The following IKBKB variants were observed in gnomAD, a reference collection of about 807,000 sequenced individuals.
The protein encoded by IKBKB is inhibitor of nuclear factor kappa-B kinase subunit beta.
A neutral mutation model predicts 113.6 loss-of-function variants in IKBKB; 42 were observed. The observed-to-expected ratio is 0.37, with a 90% CI of 0.29 to 0.48. IKBKB has a LOEUF of 0.48. IKBKB is among the 20% of genes least tolerant of loss of function. The pLI is 0.99. For missense variants in IKBKB, 673 were observed against 939.7 expected, an observed-to-expected ratio of 0.72 and a Z score of 3.71; for synonymous variants, 296 against 361.3, an observed-to-expected ratio of 0.82 and a Z score of 2.05.
intron 19 of IKBKB, among the ~76,000 whole-genome samples, chr8:42,324,057 G>A (rs1820266466): frequency 6.6e-6 from 1 of 152,190 alleles, no homozygotes; most frequent in South Asian, 2.1e-4. Flanking sequence ...GCTTGTCTTA[G>A]AGGAGAGGGA....
In IKBKB at chr8:42,321,927, C is replaced by CT; in HGVS notation, c.1721dup (p.Arg575LysfsTer10). 6.2e-7 allele frequency: 1 copy of CT among 1,613,356 alleles called. No homozygotes were observed. The highest frequency in any genetic ancestry group is 8.5e-7 in the Non-Finnish European group (1 of 1,179,578). ...GCAAGCAAGGGAGCTGTACAGGAGACTAAGGGAAAAACCTCGAGGTAAGTG... is the reference window on the plus strand; with the variant it reads ...GCAAGCAAGGGAGCTGTACAGGAGACTTAAGGGAAAAACCTCGAGGTAAGTG... On this transcript the variant is annotated frameshift_variant, in exon 17 of 22. Transcript: ENST00000520810. LOFTEE classifies it high-confidence loss of function.
At chr8:42,324,851 G>C (rs984724997) in intron 19 of IKBKB, 2 of 153,006 alleles carry the variant, frequency 1.3e-5, no homozygotes, top group African/African-American at 2.4e-5. Flanking sequence ...CCATACTTTC[G>C]GTCCAGGGCA....
At chr8:42,323,399 C>T (rs1275544337) in intron 19 of IKBKB, among the ~76,000 whole-genome samples, 1 of 152,208 alleles carries the variant, frequency 6.6e-6, no homozygotes, top group Non-Finnish European at 1.5e-5. Flanking sequence ...CCATGGGATG[C>T]CACATGGTGG....
chr8:42,323,758 G>C lies in IKBKB; in HGVS notation c.1986+1264G>C, dbSNP rs575042756. Among the ~76,000 whole-genome samples the C allele has an allele frequency of 2.0e-3, 300 of 152,332 alleles. 3 individuals are homozygous for C. In the Middle Eastern group the frequency reaches 0.024, roughly 12 times the overall value. ...CATCCTCCTGTAAGAAGAGAGGAAC[G>C]GGAGAAAACAGGATGACGAGGTAGA... On this transcript the variant is annotated intron_variant, in intron 19 of 21. Transcript: ENST00000520810.
intron 21 of IKBKB, chr8:42,329,615 A>G: frequency 3.0e-6 from 3 of 984,154 alleles, no homozygotes; most frequent in Non-Finnish European, 3.6e-6. Context: ...TCCTTGGAAC[A>G]CTTAATTCCG....
chr8:42,306,642 C>A (rs77601230), intron 7 of IKBKB, among the ~76,000 whole-genome samples: 1 of 152,210 alleles, frequency 6.6e-6, no homozygotes, highest in Non-Finnish European at 1.5e-5. Flanking sequence ...CTCTGATGTC[C>A]GGAGGGCTCT....
At chr8:42,305,302 G>A (rs1409322261) in intron 6 of IKBKB, 27 bp downstream of exon 6, 10 of 1,489,682 alleles carry the variant, frequency 6.7e-6, no homozygotes, top group Admixed American at 1.7e-5. Context: ...GACTGGGAAA[G>A]CCTCAGGTGG....
In IKBKB at chr8:42,271,378, CA is replaced by C. The variant is rs1272120506; in HGVS notation, c.-109del. On this transcript the variant is annotated 5_prime_UTR_variant, in exon 1 of 22. It removes the in-frame stop codon of an upstream open reading frame in the 5' UTR. Transcript: ENST00000520810. ...TAAGATTCCCGCATTTTAATGTTTTCAGGGGGGTGTCATAGCCCCGGGTTTG... is the reference window on the plus strand; with the variant it reads ...TAAGATTCCCGCATTTTAATGTTTTCGGGGGGTGTCATAGCCCCGGGTTTG... 2.5e-5 allele frequency: 37 copies of C among 1,507,566 alleles called. No homozygotes were observed. The Admixed American group carries it at 6.3e-4, about 26-fold the overall frequency. The allele number at this position is 1,507,566 out of a possible 1,614,324, so 93.4% of individuals were successfully genotyped here. A position where few individuals can be genotyped will look rare whatever the true frequency, so the allele number is the denominator to read the frequency against.
chr8:42,313,451 T>A (rs534206687), intron 8 of IKBKB, among the ~76,000 whole-genome samples: 4 of 152,284 alleles, frequency 2.6e-5, no homozygotes, highest in African/African-American at 7.2e-5. Context: ...AAAATTTTTT[T>A]ACCTTCAGAT....
chr8:42,298,212 C>T, intron 5 of IKBKB: 1 of 985,452 alleles, frequency 1.0e-6, no homozygotes, highest in Non-Finnish European at 1.2e-6. Context: ...GGTGCTCTCT[C>T]CTGCCTGATG....
In IKBKB at chr8:42,271,442, G is replaced by T; in HGVS notation, c.-46G>T. On this transcript the variant is annotated 5_prime_UTR_variant, in exon 1 of 22. Coordinates refer to ENST00000520810, the MANE Select transcript of IKBKB (RefSeq NM_001556.3). ...CCGCCTTCCCCGCCCCGGGGAGCCC[G>T]CCCCCTGCCCCGCGTCCCTGCCGAC... is the stretch of plus-strand genomic sequence containing the variant. 1 of 890,002 alleles carries T rather than the reference G, an allele frequency of 1.1e-6. No homozygotes were observed. Among genetic ancestry groups the T allele is most frequent in the East Asian group, 5.7e-5 (1 of 17,576 alleles). The allele number at this position is 890,002 out of a possible 1,614,324, so 55.1% of individuals were successfully genotyped here.
chr8:42,329,518 A>G (rs1821413692), intron 21 of IKBKB: 8 of 878,656 alleles, frequency 9.1e-6, no homozygotes, highest in Non-Finnish European at 9.6e-6. Context: ...ATAATTTTCT[A>G]GTACACATTT....
intron 7 of IKBKB, among the ~76,000 whole-genome samples, chr8:42,308,576 G>T (rs964482195): frequency 1.6e-4 from 24 of 152,230 alleles, no homozygotes; most frequent in Non-Finnish European, 2.8e-4. Flanking sequence ...GGGATTACAC[G>T]TGTGAGCCAC....
intron 19 of IKBKB, among the ~76,000 whole-genome samples, chr8:42,324,196 T>G (rs897514222): frequency 3.3e-5 from 5 of 152,242 alleles, no homozygotes; most frequent in Non-Finnish European, 7.4e-5. Flanking sequence ...GGCTGGTGTG[T>G]GTGGGGAAGG....
chr8:42,315,276 A>G (rs1818452484), intron 9 of IKBKB, among the ~76,000 whole-genome samples: 1 of 152,248 alleles, frequency 6.6e-6, no homozygotes, highest in African/African-American at 2.4e-5. Flanking sequence ...GATAATGATT[A>G]CCATATTTAG....
intron 4 of IKBKB, among the ~76,000 whole-genome samples, chr8:42,291,883 G>T (rs951142637): frequency 3.3e-5 from 5 of 152,320 alleles, no homozygotes; most frequent in African/African-American, 1.2e-4. Flanking sequence ...GGTGAGCTAT[G>T]ATTGTGCCAC....
chr8:42,296,574 A>G (rs1351454519), intron 5 of IKBKB, among the ~76,000 whole-genome samples: 1 of 152,084 alleles, frequency 6.6e-6, no homozygotes, highest in Non-Finnish European at 1.5e-5. Context: ...ACTTGAACCC[A>G]GGAGGCAGAG....
At chr8:42,320,390 G>T in intron 15 of IKBKB, 1 of 229,168 alleles carries the variant, frequency 4.4e-6, no homozygotes, top group Non-Finnish European at 8.7e-6. Flanking sequence ...GAAGAGAAGA[G>T]AAAGTAATGT....
At chr8:42,314,513 A>C (rs1486511601) in intron 9 of IKBKB, 84 bp downstream of exon 9, 8 of 882,242 alleles carry the variant, frequency 9.1e-6, no homozygotes, top group African/African-American at 3.3e-5. Flanking sequence ...GGTGGCTCAC[A>C]CCTGTAATCC....
Sources: allele counts gnomAD v4.1 joint callset (sites outside exome capture counted in the v4.1 genomes callset), GRCh38; gene constraint gnomAD v4.1.1; transcripts MANE v1.5; gene names NCBI Gene and HGNC (gene_info 2026-07-23, HGNC 2026-07-21).